Variants in ESRRG observed in about 807,000 individuals in gnomAD.
The protein encoded by ESRRG is estrogen related receptor gamma.
A neutral mutation model predicts 44.0 loss-of-function variants in ESRRG; 13 were observed. The observed-to-expected ratio is 0.30, with a 90% confidence interval of 0.19 to 0.47. ESRRG has a LOEUF of 0.47. Among genes scored for constraint, ESRRG ranks in the 20% least tolerant of loss-of-function variants. The probability of loss-of-function intolerance (pLI) is 1.00; values close to 1 mark genes in which losing one functional copy is unlikely to be tolerated. For missense variants in ESRRG, 395 were observed against 580.6 expected (o/e 0.68, Z 3.29); for synonymous variants, 215 against 214.6 (o/e 1.00, Z -0.02).
At chr1:217,029,832 G>A (rs1266906784) in intron 1 of ESRRG, among the ~76,000 whole-genome samples, 4 of 152,242 alleles carry the variant, frequency 2.6e-5, no homozygotes, top group East Asian at 3.9e-4. Flanking sequence ...AAATAAAAAC[G>A]CAGCTGACCA....
intron 2 of ESRRG, among the ~76,000 whole-genome samples, chr1:216,874,964 T>TG (rs2096325819): frequency 1.3e-5 from 2 of 152,316 alleles, no homozygotes; most frequent in Middle Eastern, 3.4e-3. Context: ...CAGGGGCTCT[T>TG]GGGCCTTTGA....
At chr1:217,035,755 G>A (rs2082776222) in intron 1 of ESRRG, among the ~76,000 whole-genome samples, 1 of 151,822 alleles carries the variant, frequency 6.6e-6, no homozygotes, top group African/African-American at 2.4e-5. Context: ...AGAGTTTTAA[G>A]GAGACTTAGG....
At chr1:217,107,273 A>G (rs2092608909) in intron 1 of ESRRG, among the ~76,000 whole-genome samples, 3 of 152,360 alleles carry the variant, frequency 2.0e-5, no homozygotes, top group Admixed American at 6.5e-5. Flanking sequence ...TCCCTTTCTA[A>G]TGTTCACTAG....
chr1:216,827,302 ACACT>A (rs1443778871), intron 2 of ESRRG, among the ~76,000 whole-genome samples: 1 of 152,198 alleles, frequency 6.6e-6, no homozygotes, highest in East Asian at 1.9e-4. Flanking sequence ...TTGTATTAAG[ACACT>A]CACCTTATTC....
intron 1 of ESRRG, chr1:216,686,113 T>G (rs1232277895): frequency 1.3e-5 from 2 of 152,214 alleles, no homozygotes; most frequent in African/African-American, 4.8e-5. Context: ...AGTTAACATC[T>G]GGATGTAAAT....
In ESRRG at chr1:216,879,936, T is replaced by C. The variant is rs183069244; in HGVS notation, c.-14+59646A>G. 2.9e-3 allele frequency among the ~76,000 whole-genome samples: 447 copies of C among 152,336 alleles called. 3 individuals carry two copies. Among genetic ancestry groups the C allele is most frequent in the South Asian group, 5.2e-3 (25 of 4,828 alleles). Reference sequence around the variant, plus strand: ...ACTTTATATTTGTGAACTATATAGTTGTTCATCTTAAATGCCTCTGTATTG... The same window carrying C: ...ACTTTATATTTGTGAACTATATAGTCGTTCATCTTAAATGCCTCTGTATTG... On this transcript the variant is annotated intron_variant, in intron 2 of 7. Coordinates refer to the ESRRG transcript ENST00000359162.
intron 1 of ESRRG, among the ~76,000 whole-genome samples, chr1:217,072,728 C>T (rs926734242): frequency 1.7e-4 from 26 of 152,026 alleles, no homozygotes; most frequent in African/African-American, 4.6e-4. Context: ...TCCTATGACA[C>T]GAGCTGTCTC....
chr1:217,083,571 C>T (rs1033019327), intron 1 of ESRRG, among the ~76,000 whole-genome samples: 6 of 152,174 alleles, frequency 3.9e-5, no homozygotes, highest in African/African-American at 1.4e-4. Context: ...GCTCATACTA[C>T]AAACCCAGCT....
chr1:217,054,584 C>A (rs1256015750), intron 1 of ESRRG, among the ~76,000 whole-genome samples: 1 of 152,136 alleles, frequency 6.6e-6, no homozygotes, highest in Non-Finnish European at 1.5e-5. Context: ...AAAACAGTCT[C>A]CCTTCGAGGA....
In ESRRG at chr1:217,041,359, T is replaced by G. The variant is rs530703495; in HGVS notation, c.-106+48148A>C. Among the ~76,000 whole-genome samples the G allele has an allele frequency of 5.1e-4, 78 of 152,288 alleles. 1 individual carries two copies. The South Asian group carries it at 0.015, about 30-fold the overall frequency. On this transcript the variant is annotated intron_variant, in intron 1 of 7. Transcript: ENST00000359162. ...CAAATGCATTAAATCCTTTAAACATTCATAGCAAGTTGGTATAAAGGTAGT... is the reference window on the plus strand; with the variant it reads ...CAAATGCATTAAATCCTTTAAACATGCATAGCAAGTTGGTATAAAGGTAGT...
At chr1:217,045,793 C>T (rs1200853856) in intron 1 of ESRRG, among the ~76,000 whole-genome samples, 1 of 152,096 alleles carries the variant, frequency 6.6e-6, no homozygotes, top group African/African-American at 2.4e-5. Flanking sequence ...AAATCCAACC[C>T]TGAAAGCCTC....
intron 2 of ESRRG, among the ~76,000 whole-genome samples, chr1:216,670,559 A>C (rs1256834343): frequency 1.3e-5 from 2 of 152,068 alleles, no homozygotes; most frequent in Non-Finnish European, 2.9e-5. Context: ...CCCTGCGTAC[A>C]CCTTGATCCT....
chr1:216,749,240 G>A lies in ESRRG; in HGVS notation c.-13-71749C>T, dbSNP rs115859211. 5.0e-3 allele frequency among the ~76,000 whole-genome samples: 766 copies of A among 151,964 alleles called. 8 individuals are homozygous for A. The highest frequency in any genetic ancestry group is 0.017 in the African/African-American group (721 of 41,454). On this transcript the variant is annotated intron_variant, in intron 2 of 7. Coordinates refer to the ESRRG transcript ENST00000359162. ...TTCAGTGACTGGTGCCATCCAGTGC[G>A]CTGGGCAAACTGACACCAATGACCA... is the stretch of plus-strand genomic sequence containing the variant.
chr1:216,660,560 A>G (rs115990622), intron 2 of ESRRG, among the ~76,000 whole-genome samples: 1,867 of 152,378 alleles, frequency 0.012, 18 homozygotes, highest in Middle Eastern at 0.041. Flanking sequence ...TTTAAAAGTA[A>G]TTAATTGAAT....
intron 1 of ESRRG, chr1:216,715,044 G>T: frequency 1.0e-6 from 1 of 982,826 alleles, no homozygotes. Flanking sequence ...GACTACGAGA[G>T]AACAGAAAAA....
At chr1:216,782,229 T>A (rs2093961193) in intron 2 of ESRRG, among the ~76,000 whole-genome samples, 1 of 152,190 alleles carries the variant, frequency 6.6e-6, no homozygotes, top group East Asian at 1.9e-4. Flanking sequence ...TATCTGCCCT[T>A]TAAATCCCTT....
chr1:216,988,517 C>T (rs1425847859), intron 1 of ESRRG, among the ~76,000 whole-genome samples: 1 of 152,196 alleles, frequency 6.6e-6, no homozygotes, highest in African/African-American at 2.4e-5. Context: ...CCCTGTCCAA[C>T]TAGCTCTTGG....
chr1:217,073,424 C>T lies in ESRRG; in HGVS notation c.-106+16083G>A, dbSNP rs114905689. On this transcript the variant is annotated intron_variant, in intron 1 of 7. Transcript: ENST00000359162. ...AAGCTTTCACTACTAAGGGGATCTCCGTGCTTGATGCCCCTTCTCTCCATG... is the reference window on the plus strand; with the variant it reads ...AAGCTTTCACTACTAAGGGGATCTCTGTGCTTGATGCCCCTTCTCTCCATG... Among the ~76,000 whole-genome samples, 998 of 152,136 alleles carry T rather than the reference C, an allele frequency of 6.6e-3. 14 individuals are homozygous for T. The highest frequency in any genetic ancestry group is 0.023 in the African/African-American group (955 of 41,490).
chr1:216,952,665 A>C (rs2067174238), intron 1 of ESRRG, among the ~76,000 whole-genome samples: 1 of 152,178 alleles, frequency 6.6e-6, no homozygotes, highest in African/African-American at 2.4e-5. Flanking sequence ...GAGTCATGCA[A>C]GATAGCAAAA....
Sources: gnomAD v4.1 joint callset for allele counts (sites outside exome capture counted in the v4.1 genomes callset) on GRCh38, gnomAD v4.1.1 for gene constraint, MANE v1.5 for transcripts, NCBI Gene and HGNC (gene_info 2026-07-23, HGNC 2026-07-21) for gene names.